Variants in AFF2 observed in about 807,000 individuals in gnomAD.
AFF2 encodes ALF transcription elongation factor 2, also known as AF4/FMR2 family member 2.
Under a neutral mutation model 76.9 loss-of-function variants are expected in AFF2, and 14 were observed. The observed-to-expected ratio is 0.18, with a 90% confidence interval of 0.12 to 0.28. The LOEUF (loss-of-function observed/expected upper bound fraction) is 0.28. Ranked by LOEUF, AFF2 falls within the 10% of genes least tolerant of loss-of-function variation. AFF2 has a pLI of 1.00. For synonymous variants in AFF2, 398 were observed against 366.7 expected (o/e 1.09, Z -0.98); for missense variants, 868 against 1,001.1 (o/e 0.87, Z 1.79).
At chrX:148,834,955 G>A (rs1395828418) in intron 4 of AFF2, among the ~76,000 whole-genome samples, 1 of 111,932 alleles carries the variant, frequency 8.9e-6, no homozygotes, top group Non-Finnish European at 1.9e-5. Flanking sequence ...CATGGACTCA[G>A]TGTGCTGTTT....
intron 3 of AFF2, among the ~76,000 whole-genome samples, chrX:148,786,833 C>T (rs991726855): frequency 5.4e-5 from 6 of 111,465 alleles, no homozygotes; most frequent in Non-Finnish European, 1.1e-4. Context: ...AGTACAGTGC[C>T]TGGACTATAT....
At chrX:148,971,029 C>T (rs1231849636) in intron 15 of AFF2, among the ~76,000 whole-genome samples, 2 of 110,675 alleles carry the variant, frequency 1.8e-5, no homozygotes, top group East Asian at 2.8e-4. Flanking sequence ...ACAGCAACAA[C>T]AATGCCACAA....
intron 1 of AFF2, among the ~76,000 whole-genome samples, chrX:148,636,218 G>C (rs1557253782): frequency 9.0e-6 from 1 of 111,059 alleles, no homozygotes; most frequent in Non-Finnish European, 1.9e-5. Context: ...TGACAGTGCT[G>C]CCATTTATTG....
At chrX:148,928,329 G>A (rs1490823587) in intron 9 of AFF2, among the ~76,000 whole-genome samples, 1 of 112,401 alleles carries the variant, frequency 8.9e-6, no homozygotes, top group African/African-American at 3.2e-5. Context: ...ATTCTACTGG[G>A]ATTTAAAACT....
chrX:148,861,693 G>T (rs1204617555), intron 7 of AFF2, among the ~76,000 whole-genome samples: 5 of 111,184 alleles, frequency 4.5e-5, no homozygotes, highest in African/African-American at 1.3e-4. Context: ...AGTTCTTTGT[G>T]CATAGGTAGA....
chrX:148,762,562 C>A (rs2069465255), intron 3 of AFF2, among the ~76,000 whole-genome samples: 1 of 105,419 alleles, frequency 9.5e-6, no homozygotes, highest in Non-Finnish European at 1.9e-5. Context: ...GAGCTGGTTC[C>A]ATATTTTTGC....
At chrX:148,874,614 A>T (rs782798079) in intron 7 of AFF2, among the ~76,000 whole-genome samples, 11 of 112,088 alleles carry the variant, frequency 9.8e-5, no homozygotes, top group Non-Finnish European at 2.1e-4. Context: ...TAGACAACTG[A>T]GTTATCTCCG....
At chrX:148,787,261 C>A (rs781846710) in intron 3 of AFF2, among the ~76,000 whole-genome samples, 2 of 111,358 alleles carry the variant, frequency 1.8e-5, no homozygotes, top group South Asian at 7.5e-4. Flanking sequence ...ATGGTGTGAG[C>A]AGCCAGCCAA....
chrX:148,565,957 A>C (rs2053165497), intron 1 of AFF2, among the ~76,000 whole-genome samples: 1 of 111,415 alleles, frequency 9.0e-6, no homozygotes, highest in East Asian at 2.8e-4. Flanking sequence ...GTTAGGTTAA[A>C]GGTATATATA....
chrX:148,830,575 C>T (rs139050424), intron 4 of AFF2, among the ~76,000 whole-genome samples: 102 of 111,895 alleles, frequency 9.1e-4, no homozygotes, highest in African/African-American at 3.2e-3. Flanking sequence ...GCAGACATCA[C>T]ATGTCGGCAG....
At chrX:148,553,962 G>T (rs1362834675) in intron 1 of AFF2, among the ~76,000 whole-genome samples, 7 of 111,284 alleles carry the variant, frequency 6.3e-5, no homozygotes, top group African/African-American at 2.3e-4. Context: ...TTAGAGGAAG[G>T]TACAACATGG....
intron 3 of AFF2, among the ~76,000 whole-genome samples, chrX:148,720,180 G>C (rs1018272909): frequency 9.0e-6 from 1 of 110,904 alleles, no homozygotes. Context: ...TGGCTGCTGA[G>C]TTCTGCTTTG....
At chrX:148,985,285 C>CT (rs151339705) in intron 19 of AFF2, among the ~76,000 whole-genome samples, 214 of 15,376 alleles carry the variant, frequency 0.014, 71 homozygotes, top group African/African-American at 0.027. Flanking sequence ...TGTGCCTGGC[C>CT]TTTTTTTTTT....
chrX:148,840,437 C>T (rs1184110790), intron 5 of AFF2, among the ~76,000 whole-genome samples: 2 of 111,979 alleles, frequency 1.8e-5, no homozygotes, highest in Middle Eastern at 4.6e-3. Flanking sequence ...GATGGTATGT[C>T]TCCCAATGCC....
intron 8 of AFF2, among the ~76,000 whole-genome samples, chrX:148,896,743 C>T (rs2071289358): frequency 9.0e-6 from 1 of 111,093 alleles, no homozygotes; most frequent in African/African-American, 3.3e-5. Flanking sequence ...ACTACCAGGA[C>T]ATGCTACAGA....
chrX:148,939,832 T>C (rs1303957259), intron 9 of AFF2, among the ~76,000 whole-genome samples: 5 of 111,838 alleles, frequency 4.5e-5, no homozygotes, highest in Non-Finnish European at 7.5e-5. Context: ...CGTGCATTCA[T>C]ACATACATAC....
In AFF2 at chrX:148,845,120, T is replaced by C. The variant is rs868995649; in HGVS notation, c.1262+1687T>C. Among the ~76,000 whole-genome samples, 71 of 39,525 alleles carry C rather than the reference T, an allele frequency of 1.8e-3. 1 individual carries two copies. The highest frequency in any genetic ancestry group is 2.9e-3 in the African/African-American group (69 of 23,943). The allele number at this position is 39,525 out of a possible 115,157, so 34.3% of individuals were successfully genotyped here. A position where few individuals can be genotyped will look rare whatever the true frequency, so the allele number is the denominator to read the frequency against. On this transcript the variant is annotated intron_variant, in intron 7 of 20. Coordinates refer to ENST00000370460, the MANE Select transcript of AFF2 (RefSeq NM_002025.4). ...TCAATAAGATTCACACACATACACATACACACACACACACACACACACACG... is the reference window on the plus strand; with the variant it reads ...TCAATAAGATTCACACACATACACACACACACACACACACACACACACACG...
intron 9 of AFF2, among the ~76,000 whole-genome samples, chrX:148,919,455 G>A (rs1050998628): frequency 1.7e-4 from 19 of 110,760 alleles, no homozygotes; most frequent in Admixed American, 2.9e-4. Context: ...TGTCGAATTG[G>A]ATTTGTCTTT....
chrX:148,815,194 T>C (rs1557272074), intron 4 of AFF2, among the ~76,000 whole-genome samples: 1 of 111,983 alleles, frequency 8.9e-6, no homozygotes, highest in African/African-American at 3.2e-5. Flanking sequence ...TAATTTAGAC[T>C]ATAATTAATG....
Sources: allele counts gnomAD v4.1 joint callset (sites outside exome capture counted in the v4.1 genomes callset), GRCh38; gene constraint gnomAD v4.1.1; transcripts MANE v1.5; gene names NCBI Gene and HGNC (gene_info 2026-07-23, HGNC 2026-07-21).